The following CDH18 variants were observed in gnomAD, a reference collection of about 807,000 sequenced individuals.
CDH18 encodes the protein cadherin 18.
A neutral mutation model predicts 67.9 loss-of-function variants in CDH18; 31 were observed. That is an observed-to-expected ratio of 0.46 (90% CI 0.34 to 0.62). The LOEUF (loss-of-function observed/expected upper bound fraction) is 0.62, where lower values mean the gene tolerates loss of function less well. Ranked by LOEUF, CDH18 falls within the 20% of genes least tolerant of loss-of-function variation. CDH18 has a pLI of 0.01. For missense variants in CDH18, 890 were observed against 975.5 expected (o/e 0.91, Z 1.17); for synonymous variants, 362 against 347.2 (o/e 1.04, Z -0.48).
intron 1 of CDH18, among the ~76,000 whole-genome samples, chr5:20,526,304 C>T (rs1283212479): frequency 6.6e-6 from 1 of 152,098 alleles, no homozygotes; most frequent in African/African-American, 2.4e-5. Flanking sequence ...CAGCCATGGT[C>T]TCAGGTTCAG....
intron 1 of CDH18, among the ~76,000 whole-genome samples, chr5:20,261,717 C>G (rs555358023): frequency 4.6e-5 from 7 of 151,170 alleles, no homozygotes; most frequent in Non-Finnish European, 7.4e-5. Context: ...GGCGACAGAG[C>G]GAGACTCCGT....
intron 1 of CDH18, among the ~76,000 whole-genome samples, chr5:20,328,550 T>C (rs931722002): frequency 1.3e-5 from 2 of 150,904 alleles, no homozygotes; most frequent in East Asian, 3.9e-4. Flanking sequence ...TTGGGGAGAA[T>C]TAGGAGAATT....
chr5:20,146,319 T>C (rs1357696970), intron 2 of CDH18, among the ~76,000 whole-genome samples: 8 of 152,120 alleles, frequency 5.3e-5, no homozygotes, highest in African/African-American at 1.9e-4. Context: ...ATTAGGATGA[T>C]TCAGAGGATG....
chr5:19,675,878 T>C (rs1442238045), intron 5 of CDH18, among the ~76,000 whole-genome samples: 3 of 152,002 alleles, frequency 2.0e-5, no homozygotes, highest in Admixed American at 6.6e-5. Context: ...AGTATTAATT[T>C]GGGGAACTAA....
At chr5:19,599,815 A>C (rs1746781237) in intron 6 of CDH18, among the ~76,000 whole-genome samples, 1 of 152,142 alleles carries the variant, frequency 6.6e-6, no homozygotes, top group Admixed American at 6.5e-5. Flanking sequence ...TGAACCCGGG[A>C]GGCAGAGCTT....
At chr5:19,654,353 G>A (rs1756027875) in intron 5 of CDH18, among the ~76,000 whole-genome samples, 1 of 152,152 alleles carries the variant, frequency 6.6e-6, no homozygotes, top group African/African-American at 2.4e-5. Flanking sequence ...ACTACAATAT[G>A]TTATATGCCA....
At chr5:19,492,679 A>G (rs1436327067) in intron 11 of CDH18, among the ~76,000 whole-genome samples, 4 of 152,128 alleles carry the variant, frequency 2.6e-5, no homozygotes, top group African/African-American at 9.7e-5. Flanking sequence ...TATTACCAAC[A>G]TATTAATTAA....
chr5:20,570,353 T>TA lies in CDH18; in HGVS notation c.-580+5108dup, dbSNP rs200836079. ...TGATTGGAAAATAAAGTCTGTTCAT[T>TA]AAAAAAAAAATGAAGTATGTGCCAT... On this transcript the variant is annotated intron_variant, in intron 1 of 14. Transcript: ENST00000507958. Among the ~76,000 whole-genome samples, 50 of 148,574 alleles carry TA rather than the reference T, an allele frequency of 3.4e-4. No homozygotes were observed. The East Asian group carries it at 3.9e-3, about 12-fold the overall frequency.
At chr5:19,645,434 A>G (rs1754603099) in intron 5 of CDH18, among the ~76,000 whole-genome samples, 1 of 152,160 alleles carries the variant, frequency 6.6e-6, no homozygotes, top group African/African-American at 2.4e-5. Flanking sequence ...AGGTAAAGTA[A>G]CGGGAGAGCA....
intron 2 of CDH18, among the ~76,000 whole-genome samples, chr5:19,952,367 A>G (rs1355216477): frequency 6.6e-6 from 1 of 152,078 alleles, no homozygotes; most frequent in Non-Finnish European, 1.5e-5. Flanking sequence ...TCCAATTTCA[A>G]ATTGCAACAG....
chr5:19,516,584 A>G (rs1000047097), intron 10 of CDH18, among the ~76,000 whole-genome samples: 6 of 151,848 alleles, frequency 4.0e-5, no homozygotes, highest in African/African-American at 1.4e-4. Flanking sequence ...TTGGTAGGGT[A>G]TATTGTCCAG....
intron 2 of CDH18, among the ~76,000 whole-genome samples, chr5:19,913,020 T>G (rs1268949079): frequency 1.3e-5 from 2 of 152,062 alleles, no homozygotes; most frequent in East Asian, 3.9e-4. Context: ...ATGGGTATTT[T>G]AAAGAAAATC....
intron 3 of CDH18, among the ~76,000 whole-genome samples, chr5:19,773,835 G>A (rs987819168): frequency 6.6e-6 from 1 of 151,984 alleles, no homozygotes; most frequent in Non-Finnish European, 1.5e-5. Context: ...AAACCTAAAA[G>A]GATTCACATA....
chr5:19,550,485 T>A (rs1194408107), intron 8 of CDH18, among the ~76,000 whole-genome samples: 1 of 150,540 alleles, frequency 6.6e-6, no homozygotes, highest in East Asian at 2.0e-4. Flanking sequence ...CATTGTTCAA[T>A]TCCAACCTAT....
chr5:19,887,487 A>T (rs1432742156), intron 2 of CDH18, among the ~76,000 whole-genome samples: 1 of 152,058 alleles, frequency 6.6e-6, no homozygotes, highest in Non-Finnish European at 1.5e-5. Flanking sequence ...AAACAAAATC[A>T]TGATGTTATT....
intron 5 of CDH18, among the ~76,000 whole-genome samples, chr5:19,648,898 T>C (rs2150256986): frequency 6.6e-6 from 1 of 152,208 alleles, no homozygotes; most frequent in East Asian, 1.9e-4. Flanking sequence ...ATGAAGCTAT[T>C]TGCTTTATTT....
At chr5:20,549,920 G>A (rs538337517) in intron 1 of CDH18, among the ~76,000 whole-genome samples, 2 of 152,268 alleles carry the variant, frequency 1.3e-5, no homozygotes, top group East Asian at 3.9e-4. Flanking sequence ...ACATATGCAA[G>A]AGATGAAGTA....
At chr5:20,047,407 T>A (rs1214369586) in intron 2 of CDH18, among the ~76,000 whole-genome samples, 1 of 151,876 alleles carries the variant, frequency 6.6e-6, no homozygotes, top group Non-Finnish European at 1.5e-5. Flanking sequence ...ACTATTTTCA[T>A]TATTAAATGA....
chr5:20,546,126 G>T (rs1757328861), intron 1 of CDH18, among the ~76,000 whole-genome samples: 1 of 152,064 alleles, frequency 6.6e-6, no homozygotes. Flanking sequence ...CCTTTACTCT[G>T]GTTCCCAATA....
Sources: allele counts gnomAD v4.1 joint callset (sites outside exome capture counted in the v4.1 genomes callset), GRCh38; gene constraint gnomAD v4.1.1; transcripts MANE v1.5; gene names NCBI Gene and HGNC (gene_info 2026-07-23, HGNC 2026-07-21).